Variants in COL6A6 observed in about 807,000 individuals in gnomAD.
COL6A6 encodes the protein collagen type VI alpha 6 chain.
In COL6A6, 183 loss-of-function variants were observed where a neutral mutation model predicts 208.6. The observed-to-expected ratio is 0.88, with a 90% CI of 0.78 to 0.99. The LOEUF (loss-of-function observed/expected upper bound fraction) is 0.99. Among genes scored for constraint, COL6A6 ranks in the 50% least tolerant of loss-of-function variants. The probability of loss-of-function intolerance (pLI) is 0.00; values close to 1 mark genes in which losing one functional copy is unlikely to be tolerated. For missense variants in COL6A6, 2,816 were observed against 2,815.2 expected (o/e 1.00, Z -0.01); for synonymous variants, 973 against 1,011.8 (o/e 0.96, Z 0.73).
chr3:130,549,309 A>G (rs1415906716), intron 1 of COL6A6, among the ~76,000 whole-genome samples: 2 of 152,082 alleles, frequency 1.3e-5, no homozygotes, highest in Non-Finnish European at 2.9e-5. Flanking sequence ...AGCTTGTGCC[A>G]CCCTATCTGG....
At position 130,598,336 on chromosome 3, in the gene COL6A6, T is replaced by C. The variant is rs75382560; in HGVS notation, c.4534-29T>C. ...TTTAAGGAGAAATGTCCAAATATATTAATTTTTCTCTTTATTTTCTATTTT... is the reference window on the plus strand; with the variant it reads ...TTTAAGGAGAAATGTCCAAATATATCAATTTTTCTCTTTATTTTCTATTTT... On this transcript the variant is annotated intron_variant, in intron 18 of 36. Transcript: ENST00000358511. 998 of 1,429,354 alleles carry C rather than the reference T, an allele frequency of 7.0e-4. 13 individuals carry two copies. In the East Asian group the frequency reaches 0.022, roughly 31 times the overall value. 88.5% of individuals were successfully genotyped at this position (1,429,354 alleles called of 1,614,324 possible). A position where few individuals can be genotyped will look rare whatever the true frequency, so the allele number is the denominator to read the frequency against.
At chr3:130,626,389 G>T (rs2064885756) in intron 24 of COL6A6, 96 bp from the exon 25 acceptor site, 3 of 905,650 alleles carry the variant, frequency 3.3e-6, no homozygotes, top group Non-Finnish European at 5.6e-6. Flanking sequence ...ACAGTTCTGG[G>T]CACAAACCCA....
chr3:130,552,788 T>A (rs2062674660), intron 1 of COL6A6, among the ~76,000 whole-genome samples: 1 of 147,552 alleles, frequency 6.8e-6, no homozygotes, highest in African/African-American at 2.5e-5. Context: ...CCAGTAATGG[T>A]CTTTCCTTTC....
At chr3:130,650,377 C>A (rs2108407789) in intron 33 of COL6A6, among the ~76,000 whole-genome samples, 1 of 152,238 alleles carries the variant, frequency 6.6e-6, no homozygotes, top group South Asian at 2.1e-4. Flanking sequence ...AATCCCAGCA[C>A]TTTGGGAGGC....
At chr3:130,604,661 GC>G (rs2064130961) in intron 20 of COL6A6, among the ~76,000 whole-genome samples, 1 of 152,168 alleles carries the variant, frequency 6.6e-6, no homozygotes, top group South Asian at 2.1e-4. Flanking sequence ...CCACCACCCA[GC>G]CCAGTTCCTG....
At chr3:130,589,454 C>T (rs533955017) in intron 12 of COL6A6, among the ~76,000 whole-genome samples, 1 of 152,260 alleles carries the variant, frequency 6.6e-6, no homozygotes, top group East Asian at 1.9e-4. Context: ...GACAATGATG[C>T]AGAAAAATCA....
At chr3:130,606,838 T>C in intron 20 of COL6A6, 93 bp from the exon 21 acceptor site, 1 of 917,902 alleles carries the variant, frequency 1.1e-6, no homozygotes, top group South Asian at 1.7e-5. Context: ...TTGTTATGTA[T>C]GTTGGTGCCT....
At chr3:130,615,792 G>A (rs1021783180) in intron 23 of COL6A6, among the ~76,000 whole-genome samples, 1 of 152,108 alleles carries the variant, frequency 6.6e-6, no homozygotes, top group Non-Finnish European at 1.5e-5. Context: ...GTGAGTGGGT[G>A]GAAATCCAAA....
intron 34 of COL6A6, among the ~76,000 whole-genome samples, chr3:130,660,528 A>G (rs931704367): frequency 2.0e-5 from 3 of 152,134 alleles, no homozygotes; most frequent in Non-Finnish European, 4.4e-5. Context: ...TTTCTTTCTT[A>G]TCTTTGGTTA....
At chr3:130,610,492 G>A (rs2064323017) in intron 22 of COL6A6, among the ~76,000 whole-genome samples, 157 bp from the exon 23 acceptor site, 1 of 152,116 alleles carries the variant, frequency 6.6e-6, no homozygotes, top group African/African-American at 2.4e-5. Context: ...AAATGAGAAT[G>A]AGCTCCACAG....
At chr3:130,558,571 A>T (rs2062815886) in intron 1 of COL6A6, among the ~76,000 whole-genome samples, 1 of 152,300 alleles carries the variant, frequency 6.6e-6, no homozygotes. Context: ...AGCCTTTCCA[A>T]ATCCTCGCTT....
At chr3:130,562,229 G>A (rs1480283788) in intron 2 of COL6A6, among the ~76,000 whole-genome samples, 2 of 152,170 alleles carry the variant, frequency 1.3e-5, no homozygotes, top group Non-Finnish European at 2.9e-5. Flanking sequence ...ATGTAAAAAT[G>A]TAGTACCAGA....
intron 1 of COL6A6, among the ~76,000 whole-genome samples, chr3:130,525,900 A>G (rs990694964): frequency 2.0e-5 from 3 of 152,116 alleles, no homozygotes; most frequent in African/African-American, 7.2e-5. Flanking sequence ...CCCTCAAAGA[A>G]GCCTTCCCTG....
chr3:130,532,095 C>T (rs1043272187), intron 1 of COL6A6, among the ~76,000 whole-genome samples: 1 of 152,100 alleles, frequency 6.6e-6, no homozygotes, highest in African/African-American at 2.4e-5. Flanking sequence ...GAAATAGGAT[C>T]TTTTCTGTGT....
intron 1 of COL6A6, among the ~76,000 whole-genome samples, chr3:130,549,559 G>GT (rs533154278): frequency 7.2e-4 from 108 of 150,818 alleles, no homozygotes; most frequent in South Asian, 1.7e-3. Flanking sequence ...ATCTTGGATT[G>GT]TTTTTTTTTG....
At position 130,592,693 on chromosome 3, in the gene COL6A6, C is replaced by A. The variant is rs1262835590; in HGVS notation, c.4345-3C>A. On this transcript the variant is annotated splice_polypyrimidine_tract_variant and splice_region_variant and intron_variant, in intron 14 of 36. Coordinates refer to ENST00000358511, the MANE Select transcript of COL6A6 (RefSeq NM_001102608.3). Reference sequence around the variant, plus strand: ...CTAACTATAACTGTCCTTTTATTTTCAGGGAAACAGAGGACTAAATGGACA... The same window carrying A: ...CTAACTATAACTGTCCTTTTATTTTAAGGGAAACAGAGGACTAAATGGACA... 1 of 1,612,844 alleles carries A rather than the reference C, an allele frequency of 6.2e-7. No individual in the cohort carries two copies. The highest frequency in any genetic ancestry group is 1.7e-5 in the Admixed American group (1 of 59,986).
intron 28 of COL6A6, among the ~76,000 whole-genome samples, chr3:130,639,391 A>G (rs545908036): frequency 9.2e-5 from 14 of 152,184 alleles, no homozygotes; most frequent in Non-Finnish European, 2.1e-4. Flanking sequence ...TTAAGAATTG[A>G]AGACAAAAAG....
At chr3:130,661,449 G>A (rs974261889) in intron 34 of COL6A6, among the ~76,000 whole-genome samples, 188 bp from the exon 35 acceptor site, 5 of 152,140 alleles carry the variant, frequency 3.3e-5, no homozygotes, top group African/African-American at 9.7e-5. Context: ...CACAAGCTGG[G>A]TATAAAATCT....
chr3:130,592,655 A>G (rs1373602479), intron 14 of COL6A6, 41 bp from the exon 15 acceptor site: 1 of 1,612,256 alleles, frequency 6.2e-7, no homozygotes, highest in South Asian at 1.1e-5. Flanking sequence ...AATATTAATT[A>G]CATTTTCCTA....
Sources: allele counts gnomAD v4.1 joint callset (sites outside exome capture counted in the v4.1 genomes callset), GRCh38; gene constraint gnomAD v4.1.1; transcripts MANE v1.5; gene names NCBI Gene and HGNC (gene_info 2026-07-23, HGNC 2026-07-21).